HYKK: variants seen among roughly 807,000 people sequenced by gnomAD.
The protein encoded by HYKK is hydroxylysine kinase.
Under a neutral mutation model 29.7 loss-of-function variants are expected in HYKK, and 19 were observed. That is an observed-to-expected ratio of 0.64 (90% CI 0.45 to 0.94). The LOEUF (loss-of-function observed/expected upper bound fraction) is 0.94. Among genes scored for constraint, HYKK ranks in the 40% least tolerant of loss-of-function variants. The probability of loss-of-function intolerance (pLI) is 0.00; values close to 1 mark genes in which losing one functional copy is unlikely to be tolerated. For synonymous variants in HYKK, 152 were observed against 158.1 expected, an observed-to-expected ratio of 0.96 and a Z score of 0.29; for missense variants, 390 against 443.4, an observed-to-expected ratio of 0.88 and a Z score of 1.08.
intron 3 of HYKK, among the ~76,000 whole-genome samples, chr15:78,526,326 G>A (rs1379599066): frequency 6.6e-6 from 1 of 152,194 alleles, no homozygotes; most frequent in Admixed American, 6.5e-5. Flanking sequence ...AGAGTAGACA[G>A]TAAAATAAGT....
At chr15:78,524,769 A>T (rs2052232308) in intron 3 of HYKK, among the ~76,000 whole-genome samples, 1 of 152,154 alleles carries the variant, frequency 6.6e-6, no homozygotes, top group Admixed American at 6.5e-5. Flanking sequence ...GGATCGCGCC[A>T]CTGCACTCCA....
In HYKK at chr15:78,515,063, T is replaced by C. The variant is rs2052116855; in HGVS notation, c.433T>C (p.Tyr145His). 6.2e-7 allele frequency: 1 copy of C among 1,600,342 alleles called. No individual in the cohort carries two copies. The highest frequency in any genetic ancestry group is 8.5e-7 in the Non-Finnish European group (1 of 1,172,574). ...AELPVSPQLL[Y>H]EIGKLAAKLD... ...GCTTCCCGTCAGCCCCCAGCTATTG[T>C]ATGAAATTGGAAAACTAGCTGCCAA... Residue 145 changes from tyrosine to histidine, a missense_variant, in exon 3 of 5, where the codon TAT becomes CAT. Coordinates refer to ENST00000388988, the MANE Select transcript of HYKK (RefSeq NM_001013619.4).
chr15:78,515,552 A>G (rs557221673), intron 3 of HYKK, among the ~76,000 whole-genome samples: 2 of 151,564 alleles, frequency 1.3e-5, no homozygotes, highest in Admixed American at 1.3e-4. Flanking sequence ...ACTATACTCC[A>G]GTCTGGGTGA....
chr15:78,517,905 T>G (rs999510119), intron 3 of HYKK, among the ~76,000 whole-genome samples: 1 of 152,216 alleles, frequency 6.6e-6, no homozygotes, highest in African/African-American at 2.4e-5. Context: ...TTCAGGTGGC[T>G]CGTTCCCCAG....
At chr15:78,519,811 A>G (rs1164099468) in intron 3 of HYKK, among the ~76,000 whole-genome samples, 10 of 152,252 alleles carry the variant, frequency 6.6e-5, no homozygotes, top group Admixed American at 5.2e-4. Context: ...GTAGTGCTCA[A>G]TAAAGTCTGT....
intron 4 of HYKK, among the ~76,000 whole-genome samples, chr15:78,530,513 G>C (rs566304200): frequency 3.5e-4 from 54 of 152,270 alleles, no homozygotes; most frequent in Middle Eastern, 3.4e-3. Context: ...GTGCTGTCCA[G>C]TAGGATTTTC....
chr15:78,521,842 C>T (rs2052200426), intron 3 of HYKK, among the ~76,000 whole-genome samples: 1 of 152,134 alleles, frequency 6.6e-6, no homozygotes, highest in African/African-American at 2.4e-5. Flanking sequence ...CCCAGTACCC[C>T]ATACTAGAGC....
chr15:78,523,015 A>G (rs2052214057), intron 3 of HYKK, among the ~76,000 whole-genome samples: 1 of 152,198 alleles, frequency 6.6e-6, no homozygotes, highest in Non-Finnish European at 1.5e-5. Context: ...CATGGATACT[A>G]TTAGAGAGGC....
Position 78,533,324 on chromosome 15 carries a change from A to G in HYKK, c.776A>G (p.Tyr259Cys), listed in dbSNP as rs1384990965. The change falls in exon 5 of 5, where the codon TAT becomes TGT. Residue 259 changes from tyrosine (Y) to cysteine (C), a missense_variant. Tyr to Cys is a radical substitution (Grantham distance 194). Transcript: ENST00000388988. ...SGILDFGDMS[Y>C]GYYVFEVAIT... ...ATTTTAGACTTTGGTGACATGAGCT[A>G]TGGCTACTATGTGTTTGAAGTGGCA... 2.5e-6 allele frequency: 4 copies of G among 1,614,000 alleles called. No homozygotes were observed. Among genetic ancestry groups the G allele is most frequent in the Non-Finnish European group, 3.4e-6 (4 of 1,179,942 alleles).
At chr15:78,532,276 A>C (rs80267880) in intron 4 of HYKK, among the ~76,000 whole-genome samples, 5,747 of 152,252 alleles carry the variant, frequency 0.038, 130 homozygotes, top group Non-Finnish European at 0.056. Context: ...CGCTCCATTC[A>C]ATGAGACAAG....
intron 3 of HYKK, among the ~76,000 whole-genome samples, chr15:78,519,538 T>A (rs891418600): frequency 6.6e-6 from 1 of 152,102 alleles, no homozygotes; most frequent in Non-Finnish European, 1.5e-5. Flanking sequence ...GGTAGGTGGA[T>A]CACTTGGGGT....
chr15:78,512,148 G>T (rs1266502209), intron 1 of HYKK, among the ~76,000 whole-genome samples: 1 of 152,024 alleles, frequency 6.6e-6, no homozygotes, highest in Admixed American at 6.6e-5. Context: ...GTTAATACAG[G>T]GTTTTCTTTG....
chr15:78,527,602 A>G (rs1223150066), intron 4 of HYKK, 39 bp downstream of exon 4: 7 of 1,606,408 alleles, frequency 4.4e-6, no homozygotes, highest in Non-Finnish European at 5.1e-6. Context: ...CTTGATATTT[A>G]AACTGTCCAA....
At chr15:78,515,263 C>G (rs1020274941) in intron 3 of HYKK, among the ~76,000 whole-genome samples, 156 bp downstream of exon 3, 1 of 152,110 alleles carries the variant, frequency 6.6e-6, no homozygotes, top group Non-Finnish European at 1.5e-5. Context: ...CATTTTATGA[C>G]AGTAAGGCTA....
At position 78,533,734 on chromosome 15, in the gene HYKK, AT is replaced by A; in HGVS notation, c.*68del. ...GGTAATTAAAATAGGACCCAGTCAA[AT>A]TTTAGGAAGGATTTTCCTGCATAGT... On this transcript the variant is annotated 3_prime_UTR_variant, in exon 5 of 5. Coordinates refer to ENST00000388988, the MANE Select transcript of HYKK (RefSeq NM_001013619.4). 1.7e-6 allele frequency: 2 copies of A among 1,187,190 alleles called. No homozygotes were observed. Among genetic ancestry groups the A allele is most frequent in the East Asian group, 2.4e-5 (1 of 42,432 alleles). 73.5% of individuals were successfully genotyped at this position (1,187,190 alleles called of 1,614,324 possible). A position where few individuals can be genotyped will look rare whatever the true frequency, so the allele number is the denominator to read the frequency against.
intron 3 of HYKK, among the ~76,000 whole-genome samples, chr15:78,516,590 T>C (rs956227500): frequency 6.6e-5 from 10 of 151,902 alleles, no homozygotes; most frequent in African/African-American, 2.2e-4. Flanking sequence ...GCTCAAGCAG[T>C]CTTCCCGCCT....
Position 78,514,409 on chromosome 15 carries a change from C to T in HYKK, c.338-559C>T, listed in dbSNP as rs369467482. On this transcript the variant is annotated intron_variant, in intron 2 of 4. Transcript: ENST00000388988. ...ATTTCTTGAAATTTTTTTAAAGGTT[C>T]GAAATCTTGATTGTCTTTTTCTCTC... 4.6e-5 allele frequency among the ~76,000 whole-genome samples: 7 copies of T among 152,196 alleles called. No homozygotes were observed. The East Asian group carries it at 1.4e-3, about 29-fold the overall frequency.
chr15:78,527,659 A>C, intron 4 of HYKK, 96 bp downstream of exon 4: 1 of 1,496,628 alleles, frequency 6.7e-7, no homozygotes, highest in South Asian at 1.4e-5. Flanking sequence ...GCTTTATCAA[A>C]TCTTAAAATT....
chr15:78,508,730 T>C (rs1167413538), intron 1 of HYKK, among the ~76,000 whole-genome samples: 1 of 151,358 alleles, frequency 6.6e-6, no homozygotes, highest in African/African-American at 2.4e-5. Context: ...CGAGACACTG[T>C]CTCTAAAAAA....
Sources: allele counts gnomAD v4.1 joint callset (sites outside exome capture counted in the v4.1 genomes callset), GRCh38; gene constraint gnomAD v4.1.1; transcripts MANE v1.5; gene names NCBI Gene and HGNC (gene_info 2026-07-23, HGNC 2026-07-21).